The following CALB1 variants were observed in gnomAD, a reference collection of about 807,000 sequenced individuals.
CALB1 encodes calbindin.
In CALB1, 16 loss-of-function variants were observed where a neutral mutation model predicts 46.7. That is an observed-to-expected ratio of 0.34 (90% CI 0.23 to 0.52). The LOEUF (loss-of-function observed/expected upper bound fraction) is 0.52. CALB1 is among the 20% of genes least tolerant of loss of function. The pLI is 0.95. For synonymous variants in CALB1, 90 were observed against 112.8 expected (o/e 0.80, Z 1.28); for missense variants, 224 against 300.3 (o/e 0.75, Z 1.88).
chr8:90,077,683 G>A (rs1355549241), intron 3 of CALB1, among the ~76,000 whole-genome samples: 1 of 152,010 alleles, frequency 6.6e-6, no homozygotes, highest in African/African-American at 2.4e-5. Flanking sequence ...TGCATAATCA[G>A]TTTTGCTTCC....
chr8:90,062,787 A>G (rs1814326983), intron 9 of CALB1: 1 of 205,784 alleles, frequency 4.9e-6, no homozygotes, highest in South Asian at 1.2e-4. Context: ...AAAATTAAAA[A>G]TAGAACTGCA....
rs1016181479 is a variant in CALB1 at position 90,059,308 on chromosome 8, C to G, written c.*865G>C. ...AAAATATTTTCAGAGGCAGCAGATA[C>G]CCTTGGTGGAAATGAACAGTTCTAC... is the stretch of plus-strand genomic sequence containing the variant. On this transcript the variant is annotated 3_prime_UTR_variant, in exon 11 of 11. Transcript: ENST00000265431. The G allele has an allele frequency of 2.6e-5, 4 of 152,234 alleles. No homozygotes were observed. Among genetic ancestry groups the G allele is most frequent in the African/African-American group, 9.7e-5 (4 of 41,332 alleles). 9.4% of individuals were successfully genotyped at this position (152,234 alleles called of 1,614,324 possible). A position where few individuals can be genotyped will look rare whatever the true frequency, so the allele number is the denominator to read the frequency against.
intron 2 of CALB1, among the ~76,000 whole-genome samples, chr8:90,078,835 C>G (rs2130251616): frequency 6.6e-6 from 1 of 152,072 alleles, no homozygotes; most frequent in East Asian, 1.9e-4. Context: ...ACTATCTTGT[C>G]TTACAACATT....
chr8:90,075,455 T>C (rs1421290694), intron 3 of CALB1, among the ~76,000 whole-genome samples: 1 of 152,168 alleles, frequency 6.6e-6, no homozygotes, highest in Non-Finnish European at 1.5e-5. Flanking sequence ...TGTCAGTAGG[T>C]AGATTATTAT....
rs766595703 is a variant in CALB1, at chr8:90,060,225, C to T, written c.734G>A (p.Gly245Glu). 1 of 1,613,792 alleles carries T rather than the reference C, an allele frequency of 6.2e-7. No individual in the cohort carries two copies. The highest frequency in any genetic ancestry group is 8.5e-7 in the Non-Finnish European group (1 of 1,179,718). Residue 245 changes from glycine (G) to glutamate (E), a missense_variant, in exon 11 of 11, where the codon GGG (glycine) becomes GAG (glutamate). By Grantham distance (98) the Gly-to-Glu change is moderately conservative. Coordinates refer to ENST00000265431, the MANE Select transcript of CALB1 (RefSeq NM_004929.4). The part of the protein sequence containing the change: ...KKNIMALSDG[G>E]KLYRTDLALI... ...AGCAAGATCCGTTCGGTACAGCTTC[C>T]CTCCATCCGACAAAGCCATTATGTT...
At position 90,082,053 on chromosome 8, in the gene CALB1, G is replaced by C. The variant is rs752992856; in HGVS notation, c.129C>G (p.Leu43=). ...ATCCAGCCTTCTTTCGCGCCTGCTG[G>C]AGCTCCTGGATCAAGTTCTGCAGCT... ...GKELQNLIQE[L]QQARKKAGLE... is the part of the protein sequence containing the mutation. Residue 43 remains leucine (L), a synonymous_variant, in exon 2 of 11, where the codon CTC becomes CTG. Transcript: ENST00000265431. 6.2e-7 allele frequency: 1 copy of C among 1,613,858 alleles called. No homozygotes were observed. Among genetic ancestry groups the C allele is most frequent in the Non-Finnish European group, 8.5e-7 (1 of 1,179,908 alleles).
At chr8:90,070,208 G>A (rs1814484664) in intron 3 of CALB1, among the ~76,000 whole-genome samples, 1 of 151,956 alleles carries the variant, frequency 6.6e-6, no homozygotes, top group Non-Finnish European at 1.5e-5. Flanking sequence ...TGAATATATT[G>A]GGTTCAAAAC....
At position 90,060,109 on chromosome 8, in the gene CALB1, C is replaced by G; in HGVS notation, c.*64G>C. ...TATAAAAGAAAATACAGCCTACTCC[C>G]TTATAGTGCACAGTTATTTTTTAGA... is the stretch of plus-strand genomic sequence containing the variant. On this transcript the variant is annotated 3_prime_UTR_variant, in exon 11 of 11. Coordinates refer to ENST00000265431, the MANE Select transcript of CALB1 (RefSeq NM_004929.4). 6 of 912,344 alleles carry G rather than the reference C, an allele frequency of 6.6e-6. No individual in the cohort carries two copies. In the South Asian group the frequency reaches 7.8e-5, roughly 12 times the overall value. 56.5% of individuals were successfully genotyped at this position (912,344 alleles called of 1,614,324 possible). A position where few individuals can be genotyped will look rare whatever the true frequency, so the allele number is the denominator to read the frequency against.
Position 90,060,186 on chromosome 8 carries a change from G to A in CALB1, c.773C>T (p.Ala258Val), listed in dbSNP as rs1302054518. 6.2e-7 allele frequency: 1 copy of A among 1,610,740 alleles called. No individual in the cohort carries two copies. The change falls in exon 11 of 11, where the codon GCT becomes GTT. Residue 258 changes from alanine to valine, a missense_variant. By Grantham distance (64) the Ala-to-Val change is moderately conservative. Transcript: ENST00000265431. Reference sequence around the variant, plus strand: ...CGGCCACCAACTCTAGTTATCCCCAGCACAGAGAATAAGAGCAAGATCCGT... The same window carrying A: ...CGGCCACCAACTCTAGTTATCCCCAACACAGAGAATAAGAGCAAGATCCGT... ...YRTDLALILC[A>V]GDN
At position 90,063,437 on chromosome 8, in the gene CALB1, C is replaced by T. The variant is rs755306244; in HGVS notation, c.475G>A (p.Asp159Asn). 2.5e-6 allele frequency: 4 copies of T among 1,611,222 alleles called. No homozygotes were observed. The highest frequency in any genetic ancestry group is 2.5e-6 in the Non-Finnish European group (3 of 1,178,072). Residue 159 changes from aspartate to asparagine, a missense_variant, in exon 7 of 11, where the codon GAT becomes AAT. Physicochemically the swap from Asp to Asn is conservative, Grantham distance 23. Coordinates refer to ENST00000265431, the MANE Select transcript of CALB1 (RefSeq NM_004929.4). ...LMLKLFDSNN[D>N]GKLELTEMAR... Reference sequence around the variant, plus strand: ...ATCTCAGTTAATTCCAGCTTCCCATCATTATTTGAATCAAATAGTTTCAGC... The same window carrying T: ...ATCTCAGTTAATTCCAGCTTCCCATTATTATTTGAATCAAATAGTTTCAGC...
At position 90,060,044 on chromosome 8, in the gene CALB1, A is replaced by G; in HGVS notation, c.*129T>C. 1.5e-6 allele frequency: 1 copy of G among 648,680 alleles called. No homozygotes were observed. Among genetic ancestry groups the G allele is most frequent in the Non-Finnish European group, 2.8e-6 (1 of 361,786 alleles). The allele number at this position is 648,680 out of a possible 1,614,324, so 40.2% of individuals were successfully genotyped here. A position where few individuals can be genotyped will look rare whatever the true frequency, so the allele number is the denominator to read the frequency against. ...AAACAAGCTGAAAAGAATGAGCCAC[A>G]CATCCTGGATAATTATCTATATGCA... On this transcript the variant is annotated 3_prime_UTR_variant, in exon 11 of 11. Transcript: ENST00000265431.
Position 90,060,100 on chromosome 8 carries a change from G to A in CALB1, c.*73C>T. The A allele has an allele frequency of 1.2e-6, 1 of 839,234 alleles. No individual in the cohort carries two copies. Among genetic ancestry groups the A allele is most frequent in the East Asian group, 2.4e-5 (1 of 41,202 alleles). 52.0% of individuals were successfully genotyped at this position (839,234 alleles called of 1,614,324 possible). A position where few individuals can be genotyped will look rare whatever the true frequency, so the allele number is the denominator to read the frequency against. The stretch of plus-strand genomic sequence containing the variant: ...ATTTACAGATATAAAAGAAAATACA[G>A]CCTACTCCCTTATAGTGCACAGTTA... On this transcript the variant is annotated 3_prime_UTR_variant, in exon 11 of 11. Transcript: ENST00000265431.
intron 6 of CALB1, among the ~76,000 whole-genome samples, chr8:90,065,216 C>A (rs1340777059): frequency 6.6e-6 from 1 of 151,536 alleles, no homozygotes; most frequent in Non-Finnish European, 1.5e-5. Context: ...TTATCTGGAA[C>A]CTTATTTATC....
intron 2 of CALB1, among the ~76,000 whole-genome samples, chr8:90,078,787 C>A (rs757494643): frequency 2.0e-5 from 3 of 152,038 alleles, no homozygotes; most frequent in Non-Finnish European, 4.4e-5. Flanking sequence ...ATATTTTAAA[C>A]AATGCTTGCT....
At chr8:90,079,201 G>A (rs1044895626) in intron 2 of CALB1, among the ~76,000 whole-genome samples, 4 of 151,836 alleles carry the variant, frequency 2.6e-5, no homozygotes, top group Admixed American at 2.0e-4. Context: ...TTAAGGTCTC[G>A]GTTTTCATCA....
intron 3 of CALB1, among the ~76,000 whole-genome samples, chr8:90,075,142 G>A (rs1038151272): frequency 6.6e-6 from 1 of 152,130 alleles, no homozygotes; most frequent in Admixed American, 6.5e-5. Context: ...AAATTAGAAA[G>A]TTCAGAAAGA....
intron 1 of CALB1, 143 bp from the exon 2 acceptor site, chr8:90,082,245 G>C: frequency 2.9e-6 from 2 of 690,444 alleles, no homozygotes; most frequent in Admixed American, 2.7e-5. Context: ...GTGTACAGAC[G>C]GTGAAGCGCT....
At chr8:90,073,844 C>T (rs1814575165) in intron 3 of CALB1, among the ~76,000 whole-genome samples, 1 of 152,084 alleles carries the variant, frequency 6.6e-6, no homozygotes, top group South Asian at 2.1e-4. Context: ...AATTTCAAAG[C>T]AGGAGATAAA....
chr8:90,070,861 T>TGA (rs1554578987), intron 3 of CALB1, among the ~76,000 whole-genome samples: 9,548 of 149,816 alleles, frequency 0.064, 901 homozygotes, highest in African/African-American at 0.21. Context: ...TGTGTGTGTG[T>TGA]GTGTGTGTGT....
Sources: gnomAD v4.1 joint callset for allele counts (sites outside exome capture counted in the v4.1 genomes callset) on GRCh38, gnomAD v4.1.1 for gene constraint, MANE v1.5 for transcripts, NCBI Gene and HGNC (gene_info 2026-07-23, HGNC 2026-07-21) for gene names.